NHSL2: variants seen among roughly 807,000 people sequenced by gnomAD.
NHSL2 encodes NHS like 2.
In NHSL2, 27 loss-of-function variants were observed where a neutral mutation model predicts 53.4. The ratio of observed to expected loss-of-function variants is 0.51; its 90% CI spans 0.37 to 0.70. The LOEUF is 0.70. Among genes scored for constraint, NHSL2 ranks in the 30% least tolerant of loss-of-function variants. The pLI is 0.00. For synonymous variants in NHSL2, 408 were observed against 404.1 expected (o/e 1.01, Z -0.12); for missense variants, 892 against 980.1 (o/e 0.91, Z 1.20).
rs1343759731 is a variant in NHSL2 at position 72,037,242 on chromosome X, AC to A, written c.281-94833del. ...AGACCATCCTGGCTAACATGGTGAA[AC>A]CCCGTCTCTACTAAAAATACAAAAA... is the stretch of plus-strand genomic sequence containing the variant. On this transcript the variant is annotated intron_variant, in intron 1 of 7. Coordinates refer to ENST00000633930, the MANE Select transcript of NHSL2 (RefSeq NM_001013627.3). Among the ~76,000 whole-genome samples the A allele has an allele frequency of 3.3e-4, 36 of 110,339 alleles. 1 individual carries two copies. Among genetic ancestry groups the A allele is most frequent in the Non-Finnish European group, 6.6e-4 (35 of 52,778 alleles).
In NHSL2 at chrX:72,145,153, A is replaced by C. The variant is rs984588912; in HGVS notation, c.*1579A>C. 2 of 112,042 alleles carry C rather than the reference A, an allele frequency of 1.8e-5. No homozygotes were observed. The highest frequency in any genetic ancestry group is 6.5e-5 in the African/African-American group (2 of 30,774). The allele number at this position is 112,042 out of a possible 1,213,427, so 9.2% of individuals were successfully genotyped here. On this transcript the variant is annotated 3_prime_UTR_variant, in exon 8 of 8. Transcript: ENST00000633930. ...CTTCCTACTTCACCCCTCACCCAAT[A>C]GATTCAATGGTCAACCTCCTGGAGG...
chrX:71,937,616 T>C (rs899669440), intron 1 of NHSL2, among the ~76,000 whole-genome samples: 42 of 112,253 alleles, frequency 3.7e-4, no homozygotes, highest in Non-Finnish European at 6.0e-4. Flanking sequence ...ACTAATATGC[T>C]TAATATTTTT....
Position 72,149,088 on chromosome X carries a change from C to G in NHSL2, c.*5514C>G, listed in dbSNP as rs891868375. 6.4e-5 allele frequency: 7 copies of G among 109,332 alleles called. No homozygotes were observed. The highest frequency in any genetic ancestry group is 1.3e-4 in the Non-Finnish European group (7 of 52,575). The allele number at this position is 109,332 out of a possible 1,213,427, so 9.0% of individuals were successfully genotyped here. On this transcript the variant is annotated 3_prime_UTR_variant, in exon 8 of 8. Transcript: ENST00000633930. ...AGGAGTCTCATGTTTTATGGGACTC[C>G]GGTGCATATGCTCGAAAAAAATTAA...
At chrX:71,949,961 T>C (rs2041812577) in intron 1 of NHSL2, among the ~76,000 whole-genome samples, 1 of 113,140 alleles carries the variant, frequency 8.8e-6, no homozygotes, top group African/African-American at 3.2e-5. Flanking sequence ...GACCTCTGGA[T>C]TCCCCAGACC....
chrX:72,129,680 A>G, intron 1 of NHSL2: 2 of 557,408 alleles, frequency 3.6e-6, no homozygotes, highest in Non-Finnish European at 5.6e-6. Context: ...CGGTTGCAAG[A>G]TGGTCTGGAA....
rs188673423 is a variant in NHSL2, at chrX:72,048,539, G to A, written c.281-83540G>A. On this transcript the variant is annotated intron_variant, in intron 1 of 7. Transcript: ENST00000633930. ...GACATAATGCCACTGGGGTCCTGAG[G>A]AGAGTGCTGATGCTCTATCCCCACT... 4.5e-5 allele frequency among the ~76,000 whole-genome samples: 5 copies of A among 110,159 alleles called. No homozygotes were observed. In the East Asian group the frequency reaches 1.4e-3, roughly 32 times the overall value.
chrX:72,113,723 C>T (rs2042112321), intron 1 of NHSL2, among the ~76,000 whole-genome samples: 2 of 112,510 alleles, frequency 1.8e-5, no homozygotes, highest in African/African-American at 6.5e-5. Context: ...CTACATTTCT[C>T]TTATGCCAGT....
At chrX:72,109,885 G>T (rs975331937) in intron 1 of NHSL2, among the ~76,000 whole-genome samples, 2 of 111,921 alleles carry the variant, frequency 1.8e-5, no homozygotes, top group Non-Finnish European at 3.8e-5. Flanking sequence ...CTCAGCTGGG[G>T]TTGTTAAACA....
rs1156576863 is a variant in NHSL2 at position 72,152,488 on chromosome X, T to G, written c.*8914T>G. On this transcript the variant is annotated 3_prime_UTR_variant, in exon 8 of 8. Transcript: ENST00000633930. ...GGCTCCTGAAGCATTTGCCCTTTCT[T>G]GCCTCTTGAGACCTTCTTTCCATTG... 8.9e-6 allele frequency: 1 copy of G among 112,169 alleles called. No individual in the cohort carries two copies. Among genetic ancestry groups the G allele is most frequent in the Non-Finnish European group, 1.9e-5 (1 of 53,230 alleles). The allele number at this position is 112,169 out of a possible 1,213,427, so 9.2% of individuals were successfully genotyped here.
At chrX:72,120,245 T>C in intron 1 of NHSL2, among the ~76,000 whole-genome samples, 1 of 112,451 alleles carries the variant, frequency 8.9e-6, no homozygotes, top group Admixed American at 9.4e-5. Flanking sequence ...TTACCTCCTC[T>C]ATATAGCTTG....
rs960326758 is a variant in NHSL2 at position 71,911,354 on chromosome X, C to T, written c.267C>T (p.Asp89=). 31 of 1,087,188 alleles carry T rather than the reference C, an allele frequency of 2.9e-5. No homozygotes were observed. Among genetic ancestry groups the T allele is most frequent in the South Asian group, 4.6e-5 (2 of 43,413 alleles). The allele number at this position is 1,087,188 out of a possible 1,213,427, so 89.6% of individuals were successfully genotyped here. A position where few individuals can be genotyped will look rare whatever the true frequency, so the allele number is the denominator to read the frequency against. The change falls in exon 1 of 8, where the codon GAC becomes GAT. Residue 89 remains aspartate (D), a synonymous_variant. Coordinates refer to ENST00000633930, the MANE Select transcript of NHSL2 (RefSeq NM_001013627.3). ...GCCGCCTGCTTGGCCCGGAGGAGGACGAGGAAGAGCTAGGTAAAAACGGCG... is the reference window on the plus strand; with the variant it reads ...GCCGCCTGCTTGGCCCGGAGGAGGATGAGGAAGAGCTAGGTAAAAACGGCG... ...LPCRLLGPEE[D]EEELAAANSG...
intron 1 of NHSL2, among the ~76,000 whole-genome samples, chrX:71,971,554 C>G (rs182210189): frequency 1.8e-5 from 2 of 111,806 alleles, no homozygotes; most frequent in East Asian, 2.8e-4. Context: ...CAGTGCAGCT[C>G]TGTTCCCAAC....
At chrX:72,093,757 T>G (rs1334940541) in intron 1 of NHSL2, among the ~76,000 whole-genome samples, 2 of 108,189 alleles carry the variant, frequency 1.8e-5, no homozygotes, top group African/African-American at 6.8e-5. Context: ...TTTCTTTCTT[T>G]CTTTCTTTCT....
intron 1 of NHSL2, among the ~76,000 whole-genome samples, chrX:71,916,287 G>A (rs182271755): frequency 5.8e-4 from 65 of 112,261 alleles, no homozygotes; most frequent in African/African-American, 1.9e-3. Flanking sequence ...GAACAAGAAA[G>A]TAACATTATT....
intron 1 of NHSL2, chrX:72,044,609 G>A (rs1032351540): frequency 3.6e-6 from 4 of 1,124,036 alleles, no homozygotes; most frequent in Non-Finnish European, 4.8e-6. Context: ...CAGCCTATTC[G>A]CTGCACTAAC....
intron 1 of NHSL2, among the ~76,000 whole-genome samples, chrX:72,077,927 G>A (rs1043193797): frequency 7.1e-5 from 8 of 112,817 alleles, no homozygotes; most frequent in Non-Finnish European, 1.3e-4. Context: ...TAGGAAACAC[G>A]GGCCAGCTCC....
chrX:72,039,662 C>G lies in NHSL2; in HGVS notation c.281-92417C>G, dbSNP rs139305093. On this transcript the variant is annotated intron_variant, in intron 1 of 7. Transcript: ENST00000633930. ...TGTGGAGTTGTGGGTATTGAGGACT[C>G]AGCCAGAGACCCCATGATACGTTTA... 4.8e-3 allele frequency among the ~76,000 whole-genome samples: 532 copies of G among 111,943 alleles called. 3 individuals are homozygous for G. Among genetic ancestry groups the G allele is most frequent in the African/African-American group, 0.016 (503 of 30,761 alleles).
intron 1 of NHSL2, among the ~76,000 whole-genome samples, chrX:72,067,629 A>G (rs775228504): frequency 1.9e-4 from 21 of 112,193 alleles, no homozygotes; most frequent in Non-Finnish European, 2.3e-4. Context: ...CATGATTTTT[A>G]TCATATTCAT....
intron 1 of NHSL2, among the ~76,000 whole-genome samples, chrX:72,114,608 C>G (rs893390176): frequency 8.9e-6 from 1 of 112,248 alleles, no homozygotes; most frequent in Non-Finnish European, 1.9e-5. Flanking sequence ...AAAGGGGAAG[C>G]TCTGGAGGTG....
Sources: allele counts gnomAD v4.1 joint callset (sites outside exome capture counted in the v4.1 genomes callset), GRCh38; gene constraint gnomAD v4.1.1; transcripts MANE v1.5; gene names NCBI Gene and HGNC (gene_info 2026-07-23, HGNC 2026-07-21).